The following SDK1 variants were observed in gnomAD, a reference collection of about 807,000 sequenced individuals.
SDK1 encodes sidekick cell adhesion molecule 1.
In SDK1, 157 loss-of-function variants were observed where a neutral mutation model predicts 245.5. The ratio of observed to expected loss-of-function variants is 0.64; its 90% CI spans 0.56 to 0.73. The LOEUF (loss-of-function observed/expected upper bound fraction) is 0.73. SDK1 is among the 30% of genes least tolerant of loss of function. SDK1 has a pLI of 0.00. For missense variants in SDK1, 3,583 were observed against 3,002.3 expected (o/e 1.19, Z -4.52); for synonymous variants, 1,647 against 1,278.5 (o/e 1.29, Z -6.15).
At chr7:3,810,984 A>C (rs1002582909) in intron 4 of SDK1, among the ~76,000 whole-genome samples, 1 of 152,212 alleles carries the variant, frequency 6.6e-6, no homozygotes, top group African/African-American at 2.4e-5. Flanking sequence ...GTGTTTTTAC[A>C]GAAGCCTATT....
intron 2 of SDK1, among the ~76,000 whole-genome samples, chr7:3,622,641 T>A (rs1423653649): frequency 6.6e-6 from 1 of 152,208 alleles, no homozygotes; most frequent in East Asian, 1.9e-4. Flanking sequence ...TTAAGAGCCC[T>A]TGCATATGTA....
chr7:3,915,194 G>C (rs1261912103), intron 5 of SDK1, among the ~76,000 whole-genome samples: 1 of 152,178 alleles, frequency 6.6e-6, no homozygotes, highest in Non-Finnish European at 1.5e-5. Context: ...GCCAGAGAAA[G>C]CTGGAGCCTG....
At chr7:3,975,775 A>T (rs1370512837) in intron 13 of SDK1, among the ~76,000 whole-genome samples, 1 of 152,154 alleles carries the variant, frequency 6.6e-6, no homozygotes, top group African/African-American at 2.4e-5. Flanking sequence ...TTCCAGGATG[A>T]CCCCTTGTTC....
At chr7:3,580,996 C>CAAAAAAAAAAAAAAAAAAAAA (rs1418335916) in intron 1 of SDK1, among the ~76,000 whole-genome samples, 5 of 92,964 alleles carry the variant, frequency 5.4e-5, no homozygotes, top group African/African-American at 8.9e-5. Flanking sequence ...AAAAAAAAAC[C>CAAAAAAAAAAAAAAAAAAAAA]AAAACAAAAC....
intron 19 of SDK1, among the ~76,000 whole-genome samples, chr7:4,056,863 C>T (rs920664654): frequency 7.2e-6 from 1 of 138,276 alleles, no homozygotes; most frequent in Non-Finnish European, 1.5e-5. Flanking sequence ...CTCCGGGTCC[C>T]GACAGACCAT....
intron 1 of SDK1, among the ~76,000 whole-genome samples, chr7:3,412,554 T>A (rs1282806036): frequency 1.3e-5 from 2 of 152,246 alleles, no homozygotes; most frequent in African/African-American, 4.8e-5. Context: ...CCTTTTGCTC[T>A]TACGCAGAGT....
At chr7:3,560,212 G>C (rs1184205904) in intron 1 of SDK1, among the ~76,000 whole-genome samples, 1 of 152,116 alleles carries the variant, frequency 6.6e-6, no homozygotes, top group African/African-American at 2.4e-5. Context: ...GAATACCCTA[G>C]CGTATCTTTA....
Position 3,975,402 on chromosome 7 carries a change from A to G in SDK1, c.1994+857A>G, listed in dbSNP as rs1221162539. Reference sequence around the variant, plus strand: ...CATGCTGGGCCTTTCGACAAAGGCAATCTTGAGAGATTTTTCCTCACTGGA... The same window carrying G: ...CATGCTGGGCCTTTCGACAAAGGCAGTCTTGAGAGATTTTTCCTCACTGGA... On this transcript the variant is annotated intron_variant, in intron 13 of 44. Transcript: ENST00000404826. 3.3e-5 allele frequency among the ~76,000 whole-genome samples: 5 copies of G among 152,136 alleles called. No individual in the cohort carries two copies. In the South Asian group the frequency reaches 1.0e-3, roughly 32 times the overall value.
At chr7:3,575,263 G>A (rs1251763461) in intron 1 of SDK1, among the ~76,000 whole-genome samples, 1 of 151,942 alleles carries the variant, frequency 6.6e-6, no homozygotes, top group Non-Finnish European at 1.5e-5. Context: ...GCATGCATGT[G>A]GGAAAAGGGA....
intron 1 of SDK1, among the ~76,000 whole-genome samples, chr7:3,389,758 C>CAAAT (rs1781700857): frequency 6.9e-5 from 7 of 101,704 alleles, no homozygotes; most frequent in Non-Finnish European, 1.5e-4. Context: ...CAGAAATAAA[C>CAAAT]AAAAACAAAA....
At chr7:3,330,247 C>T (rs1459691638) in intron 1 of SDK1, among the ~76,000 whole-genome samples, 1 of 152,216 alleles carries the variant, frequency 6.6e-6, no homozygotes, top group Non-Finnish European at 1.5e-5. Flanking sequence ...ACTGTTTAAG[C>T]ATTTGATGAA....
intron 1 of SDK1, among the ~76,000 whole-genome samples, chr7:3,580,193 G>A (rs1056357785): frequency 1.3e-5 from 2 of 152,160 alleles, no homozygotes; most frequent in East Asian, 1.9e-4. Context: ...GGAAGAATCA[G>A]TATCATTAAA....
intron 5 of SDK1, among the ~76,000 whole-genome samples, chr7:3,915,190 G>C (rs1779327151): frequency 6.6e-6 from 1 of 152,196 alleles, no homozygotes; most frequent in African/African-American, 2.4e-5. Flanking sequence ...ATGAGCCAGA[G>C]AAAGCTGGAG....
At chr7:4,006,317 A>T (rs1224513073) in intron 14 of SDK1, among the ~76,000 whole-genome samples, 2 of 152,154 alleles carry the variant, frequency 1.3e-5, no homozygotes, top group Non-Finnish European at 2.9e-5. Context: ...TGGCTGGGGA[A>T]GTGTAAAATC....
chr7:3,767,103 G>A (rs982366323), intron 4 of SDK1, among the ~76,000 whole-genome samples: 2 of 152,212 alleles, frequency 1.3e-5, no homozygotes, highest in Admixed American at 6.5e-5. Context: ...GCATGGAATA[G>A]AATGGGCATC....
At chr7:4,224,449 A>T (rs537757992) in intron 40 of SDK1, among the ~76,000 whole-genome samples, 2 of 152,254 alleles carry the variant, frequency 1.3e-5, no homozygotes, top group Non-Finnish European at 1.5e-5. Flanking sequence ...CTCACTCCCT[A>T]TTGTAAGAAC....
At chr7:3,825,217 A>G (rs943654605) in intron 5 of SDK1, among the ~76,000 whole-genome samples, 3 of 151,864 alleles carry the variant, frequency 2.0e-5, no homozygotes, top group Non-Finnish European at 4.4e-5. Flanking sequence ...TGAACCTGTC[A>G]ACCTATTTTT....
At chr7:3,792,617 TCC>T (rs1778838465) in intron 4 of SDK1, among the ~76,000 whole-genome samples, 1 of 410 alleles carries the variant, frequency 2.4e-3, no homozygotes, top group South Asian at 0.071. Flanking sequence ...CTCCCTCCCA[TCC>T]ATCCATCCAT....
Position 4,268,781 on chromosome 7 carries a change from G to A in SDK1, c.*3397G>A, listed in dbSNP as rs774529611. 1.0e-5 allele frequency: 14 copies of A among 1,359,992 alleles called. No individual in the cohort carries two copies. The East Asian group carries it at 1.4e-4, about 13-fold the overall frequency. The allele number at this position is 1,359,992 out of a possible 1,614,324, so 84.2% of individuals were successfully genotyped here. ...ATCCAGTCTGAAAGGTGAGGACAAC[G>A]TGGAAACTCATGAGCTGAGCCTGCC... On this transcript the variant is annotated 3_prime_UTR_variant, in exon 45 of 45. Coordinates refer to ENST00000404826, the MANE Select transcript of SDK1 (RefSeq NM_152744.4).
Sources: allele counts gnomAD v4.1 joint callset (sites outside exome capture counted in the v4.1 genomes callset), GRCh38; gene constraint gnomAD v4.1.1; transcripts MANE v1.5; gene names NCBI Gene and HGNC (gene_info 2026-07-23, HGNC 2026-07-21).